Variants in ZNF365 observed in about 807,000 individuals in gnomAD.
ZNF365 encodes the protein zinc finger protein 365, also known as protein ZNF365.
A neutral mutation model predicts 35.0 loss-of-function variants in ZNF365; 22 were observed. The ratio of observed to expected loss-of-function variants is 0.63; its 90% CI spans 0.45 to 0.90. ZNF365 has a LOEUF of 0.90. ZNF365 is among the 40% of genes least tolerant of loss of function. The pLI is 0.00. For synonymous variants in ZNF365, 188 were observed against 196.2 expected (o/e 0.96, Z 0.35); for missense variants, 448 against 500.3 (o/e 0.90, Z 1.00).
chr10:62,390,065 G>C (rs1179991958), intron 3 of ZNF365, among the ~76,000 whole-genome samples: 1 of 152,082 alleles, frequency 6.6e-6, no homozygotes, highest in Non-Finnish European at 1.5e-5. Flanking sequence ...TTAAGAGAGG[G>C]TTGGGGCATG....
chr10:62,389,055 T>C (rs1839577710), intron 3 of ZNF365, among the ~76,000 whole-genome samples: 1 of 152,146 alleles, frequency 6.6e-6, no homozygotes, highest in Non-Finnish European at 1.5e-5. Flanking sequence ...ATTCTTCATA[T>C]AGATTTTCAA....
chr10:62,435,268 G>C (rs1260395776), intron 3 of ZNF365, among the ~76,000 whole-genome samples: 3 of 152,156 alleles, frequency 2.0e-5, no homozygotes, highest in Non-Finnish European at 2.9e-5. Flanking sequence ...GAGGATAAAG[G>C]ACTGACGAAG....
At chr10:62,476,088 T>C (rs997911344) in intron 4 of ZNF365, among the ~76,000 whole-genome samples, 1 of 152,142 alleles carries the variant, frequency 6.6e-6, no homozygotes, top group African/African-American at 2.4e-5. Flanking sequence ...TCTATGTCTA[T>C]TTTTTTGTGG....
chr10:62,387,693 G>T (rs1002203007), intron 2 of ZNF365, among the ~76,000 whole-genome samples: 17 of 152,228 alleles, frequency 1.1e-4, no homozygotes, highest in Non-Finnish European at 2.4e-4. Context: ...CGTGGTAGCT[G>T]TATGGGCTGT....
chr10:62,449,324 G>A (rs186757666), intron 3 of ZNF365, among the ~76,000 whole-genome samples: 29 of 152,306 alleles, frequency 1.9e-4, no homozygotes, highest in Admixed American at 1.4e-3. Context: ...CAAGGGAAAG[G>A]CTTGTGATTA....
rs939507503 is a variant in ZNF365 at position 62,475,721 on chromosome 10, T to A, written c.982-4155T>A. Among the ~76,000 whole-genome samples the A allele has an allele frequency of 6.6e-5, 10 of 152,276 alleles. No homozygotes were observed. In the South Asian group the frequency reaches 2.1e-3, roughly 32 times the overall value. On this transcript the variant is annotated intron_variant, in intron 4 of 4. Transcript: ENST00000395255. ...GGGAGTCACATTTCCTCCCAGTGAG[T>A]TCACTGGCCCCGAGGGCACCATGGC...
chr10:62,463,453 T>C (rs1381558862), intron 4 of ZNF365, among the ~76,000 whole-genome samples: 1 of 152,246 alleles, frequency 6.6e-6, no homozygotes, highest in African/African-American at 2.4e-5. Context: ...ATTGAAATGT[T>C]GAAAAGCTCC....
At chr10:62,406,403 T>C (rs1839905761), downstream of ZNF365, among the ~76,000 whole-genome samples, 1 of 152,190 alleles carries the variant, frequency 6.6e-6, no homozygotes, top group Non-Finnish European at 1.5e-5. Flanking sequence ...TAATATTTAA[T>C]GGTGTGATGA....
chr10:62,474,210 C>CT (rs1200314792), intron 4 of ZNF365, among the ~76,000 whole-genome samples: 2 of 152,190 alleles, frequency 1.3e-5, no homozygotes, highest in Non-Finnish European at 2.9e-5. Context: ...ATGATCATGG[C>CT]TGGGGCCACC....
At chr10:62,428,309 G>T (rs531531250) in intron 3 of ZNF365, among the ~76,000 whole-genome samples, 3 of 152,230 alleles carry the variant, frequency 2.0e-5, no homozygotes, top group East Asian at 3.9e-4. Context: ...ATCTTGAATT[G>T]TAGTTCCCAT....
At chr10:62,419,093 C>A (rs1840125975) in intron 3 of ZNF365, among the ~76,000 whole-genome samples, 1 of 152,050 alleles carries the variant, frequency 6.6e-6, no homozygotes, top group Non-Finnish European at 1.5e-5. Flanking sequence ...GTCAATATAT[C>A]TAATGAAAGA....
chr10:62,417,742 T>A (rs1459797893), intron 3 of ZNF365, among the ~76,000 whole-genome samples: 1 of 151,958 alleles, frequency 6.6e-6, no homozygotes, highest in Admixed American at 6.6e-5. Context: ...GAGAGTAGCA[T>A]GGAATACAGC....
At chr10:62,403,759 G>C (rs1475208326), downstream of ZNF365, among the ~76,000 whole-genome samples, 4 of 152,268 alleles carry the variant, frequency 2.6e-5, no homozygotes, top group Middle Eastern at 3.4e-3. Flanking sequence ...AAGGTTAATG[G>C]GTTCCCCAGG....
chr10:62,464,989 T>G (rs1840914859), intron 4 of ZNF365, among the ~76,000 whole-genome samples: 1 of 152,132 alleles, frequency 6.6e-6, no homozygotes, highest in Non-Finnish European at 1.5e-5. Context: ...ATCAAGTTGG[T>G]GGGATGGGAG....
intron 3 of ZNF365, among the ~76,000 whole-genome samples, chr10:62,457,751 G>A (rs545993353): frequency 3.9e-5 from 6 of 152,258 alleles, no homozygotes; most frequent in Admixed American, 1.3e-4. Context: ...AATTAACAAC[G>A]GTGGCTAGGT....
At chr10:62,474,130 A>G (rs1190977732) in intron 4 of ZNF365, among the ~76,000 whole-genome samples, 1 of 152,220 alleles carries the variant, frequency 6.6e-6, no homozygotes, top group Admixed American at 6.5e-5. Flanking sequence ...AAGTTTTCTC[A>G]TGTTTCATTG....
intron 3 of ZNF365, among the ~76,000 whole-genome samples, chr10:62,440,156 C>A (rs1421746753): frequency 6.7e-6 from 1 of 148,176 alleles, no homozygotes; most frequent in Non-Finnish European, 1.5e-5. Context: ...TAATTATAAG[C>A]TTTATGAATG....
At chr10:62,429,353 T>C (rs1030553751) in intron 3 of ZNF365, among the ~76,000 whole-genome samples, 1 of 152,258 alleles carries the variant, frequency 6.6e-6, no homozygotes, top group Non-Finnish European at 1.5e-5. Context: ...GTGGTTTTCA[T>C]TATATTAAAA....
rs1839806079 is a variant in ZNF365 at position 62,400,370 on chromosome 10, T to G, written c.*581T>G. ...GCTCAAGGGACTCGTTCAGTCAGAC[T>G]TCAGTTCTCATTCCGACAGGGTGTC... On this transcript the variant is annotated 3_prime_UTR_variant, in exon 5 of 5. Transcript: ENST00000395254. The G allele has an allele frequency of 1.0e-6, 1 of 986,202 alleles. No homozygotes were observed. Among genetic ancestry groups the G allele is most frequent in the African/African-American group, 1.7e-5 (1 of 57,250 alleles). 61.1% of individuals were successfully genotyped at this position (986,202 alleles called of 1,614,324 possible).
Sources: gnomAD v4.1 joint callset for allele counts (sites outside exome capture counted in the v4.1 genomes callset) on GRCh38, gnomAD v4.1.1 for gene constraint, MANE v1.5 for transcripts, NCBI Gene and HGNC (gene_info 2026-07-23, HGNC 2026-07-21) for gene names.